Variants in MLIP observed in about 807,000 individuals in gnomAD.
MLIP encodes muscular LMNA-interacting protein.
In MLIP, 79 loss-of-function variants were observed where a neutral mutation model predicts 84.8. The observed-to-expected ratio is 0.93, with a 90% CI of 0.78 to 1.12. The LOEUF (loss-of-function observed/expected upper bound fraction) is 1.12. Ranked by LOEUF, MLIP falls within the 50% of genes most tolerant of loss-of-function variation. The pLI, the probability that MLIP is intolerant of heterozygous loss-of-function variation, is 0.00. For synonymous variants in MLIP, 504 were observed against 463.0 expected (o/e 1.09, Z -1.14); for missense variants, 1,257 against 1,160.6 (o/e 1.08, Z -1.21).
intron 8 of MLIP, among the ~76,000 whole-genome samples, chr6:54,165,485 C>A (rs761678343): frequency 6.6e-6 from 1 of 151,896 alleles, no homozygotes; most frequent in Non-Finnish European, 1.5e-5. Flanking sequence ...CAGATTTTAG[C>A]CCCTCAGTTC....
intron 1 of MLIP, among the ~76,000 whole-genome samples, chr6:54,088,890 T>G (rs1305938502): frequency 6.6e-6 from 1 of 152,214 alleles, no homozygotes; most frequent in Non-Finnish European, 1.5e-5. Context: ...TGTGCTCAAA[T>G]TATTTTATTG....
At chr6:54,097,583 G>T (rs1385758594) in intron 1 of MLIP, among the ~76,000 whole-genome samples, 1 of 152,144 alleles carries the variant, frequency 6.6e-6, no homozygotes, top group Admixed American at 6.6e-5. Context: ...TCTTGAAAAT[G>T]ATGGTGGCAG....
At chr6:54,134,225 G>T (rs1035217653) in intron 3 of MLIP, among the ~76,000 whole-genome samples, 4 of 152,066 alleles carry the variant, frequency 2.6e-5, no homozygotes, top group Non-Finnish European at 5.9e-5. Flanking sequence ...AGGTGCCCAT[G>T]TATTCTTTCT....
chr6:54,082,366 G>C (rs576383670), intron 1 of MLIP, among the ~76,000 whole-genome samples: 3 of 152,222 alleles, frequency 2.0e-5, no homozygotes, highest in African/African-American at 4.8e-5. Context: ...AGGAACTGCC[G>C]AACATGTATA....
At chr6:54,123,500 A>C (rs953368246) in intron 2 of MLIP, among the ~76,000 whole-genome samples, 1 of 152,220 alleles carries the variant, frequency 6.6e-6, no homozygotes, top group Non-Finnish European at 1.5e-5. Flanking sequence ...CAGCTGAATA[A>C]TGTGGGTGTA....
At position 54,169,529 on chromosome 6, in the gene MLIP, C is replaced by G; in HGVS notation, c.2501C>G (p.Thr834Ser). The change falls in exon 9 of 14, where the codon ACT (threonine) becomes AGT (serine). Residue 834 changes from threonine to serine, a missense_variant and splice_region_variant. Physicochemically the swap from Thr to Ser is moderately conservative, Grantham distance 58 (BLOSUM62 1). Coordinates refer to ENST00000502396, the MANE Select transcript of MLIP (RefSeq NM_001281747.2). ...KTLLGSDTVK[T>S]PTTLPRAAGR... ...ATAATTGTTTTTATTTTCATACAGA[C>G]TCCTACAACTCTTCCAAGAGCAGCT... 1 of 1,586,782 alleles carries G rather than the reference C, an allele frequency of 6.3e-7. No homozygotes were observed. Among genetic ancestry groups the G allele is most frequent in the Non-Finnish European group, 8.6e-7 (1 of 1,166,626 alleles).
intron 1 of MLIP, among the ~76,000 whole-genome samples, chr6:54,049,669 C>T (rs191968109): frequency 2.6e-3 from 401 of 152,210 alleles, no homozygotes; most frequent in Middle Eastern, 0.017. Context: ...AGCTAAACAC[C>T]ACTACTTACC....
chr6:54,039,596 C>A (rs1764631453), intron 1 of MLIP, among the ~76,000 whole-genome samples: 1 of 151,800 alleles, frequency 6.6e-6, no homozygotes, highest in Non-Finnish European at 1.5e-5. Context: ...TGAGAGCTAG[C>A]CTCATGTGTA....
intron 1 of MLIP, among the ~76,000 whole-genome samples, chr6:54,051,945 G>A (rs1408432540): frequency 6.6e-6 from 1 of 152,048 alleles, no homozygotes; most frequent in Non-Finnish European, 1.5e-5. Context: ...TGGTATAACT[G>A]GAAGACCAAG....
At chr6:54,078,412 T>A (rs1017853796) in intron 1 of MLIP, among the ~76,000 whole-genome samples, 3 of 152,042 alleles carry the variant, frequency 2.0e-5, no homozygotes, top group African/African-American at 7.2e-5. Flanking sequence ...GGCAATGTAG[T>A]GAAACCCTGT....
intron 11 of MLIP, among the ~76,000 whole-genome samples, chr6:54,207,418 C>A (rs572258952): frequency 1.4e-5 from 2 of 143,760 alleles, no homozygotes; most frequent in Non-Finnish European, 1.5e-5. Context: ...CACCCCCCCC[C>A]CCTTTTTTGA....
chr6:54,019,125 A>G (rs1280209024), intron 1 of MLIP: 1 of 1,606,406 alleles, frequency 6.2e-7, no homozygotes, highest in South Asian at 1.1e-5. Context: ...ACAGATTTAT[A>G]ATGAAATTGA....
intron 1 of MLIP, among the ~76,000 whole-genome samples, chr6:54,062,078 T>G (rs1030795812): frequency 6.6e-6 from 1 of 152,224 alleles, no homozygotes; most frequent in Non-Finnish European, 1.5e-5. Flanking sequence ...ACCTTTGTGA[T>G]AAAAAAGGTA....
At chr6:54,141,550 G>T (rs191906849) in intron 4 of MLIP, among the ~76,000 whole-genome samples, 55 of 152,050 alleles carry the variant, frequency 3.6e-4, no homozygotes, top group African/African-American at 8.7e-4. Flanking sequence ...CAAGTGATCC[G>T]CCTGCCTCGG....
intron 3 of MLIP, among the ~76,000 whole-genome samples, chr6:54,126,803 G>A (rs2150451718): frequency 6.6e-6 from 1 of 152,220 alleles, no homozygotes; most frequent in East Asian, 1.9e-4. Context: ...ATACAGTCAA[G>A]TAAGTAAATT....
chr6:54,034,002 T>C lies in MLIP; in HGVS notation c.63+14911T>C, dbSNP rs1764285890. 3.3e-5 allele frequency among the ~76,000 whole-genome samples: 5 copies of C among 152,184 alleles called. No homozygotes were observed. The South Asian group carries it at 1.0e-3, about 31-fold the overall frequency. On this transcript the variant is annotated intron_variant, in intron 1 of 12. Transcript: ENST00000274897. ...ATTTCTCTTTAAAGAGGGAAATATA[T>C]TTGGATTACACGTTAAAATGTCACT...
chr6:54,221,739 A>G (rs1418991980), intron 11 of MLIP, among the ~76,000 whole-genome samples: 1 of 152,014 alleles, frequency 6.6e-6, no homozygotes, highest in East Asian at 1.9e-4. Flanking sequence ...AGGCAAAAGT[A>G]GATCATCTCG....
chr6:54,182,690 T>C (rs1777004369), intron 9 of MLIP, among the ~76,000 whole-genome samples: 1 of 152,220 alleles, frequency 6.6e-6, no homozygotes, highest in Admixed American at 6.5e-5. Context: ...CTTTGCATTA[T>C]ATGTGCCCTT....
At chr6:54,194,828 T>C (rs762828302) in intron 10 of MLIP, among the ~76,000 whole-genome samples, 8 of 151,930 alleles carry the variant, frequency 5.3e-5, no homozygotes, top group Admixed American at 6.6e-5. Flanking sequence ...AGTTGCGTGG[T>C]AATAAGTGGT....
Sources: gnomAD v4.1 joint callset for allele counts (sites outside exome capture counted in the v4.1 genomes callset) on GRCh38, gnomAD v4.1.1 for gene constraint, MANE v1.5 for transcripts, NCBI Gene and HGNC (gene_info 2026-07-23, HGNC 2026-07-21) for gene names.